NGEF: variants seen among roughly 807,000 people sequenced by gnomAD.
NGEF encodes the protein neuronal guanine nucleotide exchange factor, also known as ephexin-1.
A neutral mutation model predicts 80.9 loss-of-function variants in NGEF; 31 were observed. That is an observed-to-expected ratio of 0.38 (90% CI 0.29 to 0.52). NGEF has a LOEUF of 0.52. Ranked by LOEUF, NGEF falls within the 20% of genes least tolerant of loss-of-function variation. The pLI, the probability that NGEF is intolerant of heterozygous loss-of-function variation, is 0.84. For synonymous variants in NGEF, 371 were observed against 370.2 expected, an observed-to-expected ratio of 1.00 and a Z score of -0.03; for missense variants, 709 against 926.2, an observed-to-expected ratio of 0.77 and a Z score of 3.04.
At chr2:232,883,531 C>T in intron 11 of NGEF, 65 bp from the exon 12 acceptor site, 1 of 1,424,804 alleles carries the variant, frequency 7.0e-7, no homozygotes, top group South Asian at 1.5e-5. Flanking sequence ...CCCAGGAGAG[C>T]CCCACTTGGC....
chr2:232,924,815 C>A (rs148123083), intron 4 of NGEF, among the ~76,000 whole-genome samples: 13 of 152,194 alleles, frequency 8.5e-5, no homozygotes, highest in East Asian at 3.8e-4. Context: ...ATACAAGTAA[C>A]CTTAGAGTCT....
intron 3 of NGEF, among the ~76,000 whole-genome samples, chr2:232,956,108 G>A (rs115237092): frequency 0.012 from 1,828 of 152,220 alleles, 23 homozygotes; most frequent in African/African-American, 0.027. Flanking sequence ...TCCTTTCCTT[G>A]TAAATATGAG....
At chr2:232,974,464 G>A (rs6437079) in intron 2 of NGEF, among the ~76,000 whole-genome samples, 159 bp downstream of exon 2, 89,670 of 152,126 alleles carry the variant, frequency 0.59, 27,628 homozygotes, top group African/African-American at 0.73. Flanking sequence ...AGGAATTTGG[G>A]TTCTTTAGAT....
Position 232,899,292 on chromosome 2 carries a change from T to C in NGEF, c.829-4376A>G, listed in dbSNP as rs540838925. Among the ~76,000 whole-genome samples, 108 of 152,230 alleles carry C rather than the reference T, an allele frequency of 7.1e-4. 1 individual carries two copies. The highest frequency in any genetic ancestry group is 1.7e-3 in the South Asian group (8 of 4,826). On this transcript the variant is annotated intron_variant, in intron 5 of 14. Coordinates refer to ENST00000264051, the MANE Select transcript of NGEF (RefSeq NM_019850.3). ...GAAGCTCCTCCTCAGGGAATGCGCA[T>C]GTAGCCTGGACCCGGCTGTCTGAAT...
intron 5 of NGEF, 51 bp downstream of exon 5, chr2:232,920,233 G>C: frequency 1.3e-6 from 2 of 1,555,750 alleles, no homozygotes; most frequent in South Asian, 1.2e-5. Flanking sequence ...CCAGCAGTGA[G>C]GGCCACCCCG....
intron 3 of NGEF, among the ~76,000 whole-genome samples, chr2:232,944,678 A>C (rs1693513583): frequency 6.7e-6 from 1 of 149,532 alleles, no homozygotes; most frequent in Non-Finnish European, 1.5e-5. Context: ...AGAGAAATTA[A>C]TAGAAATGGT....
chr2:232,920,268 C>T lies in NGEF; in HGVS notation c.828+16G>A. On this transcript the variant is annotated intron_variant, in intron 5 of 14. Transcript: ENST00000264051. ...GGTGTGCTGTGGGGGAGCCCCCGCC[C>T]CTCGGCGCCTGTTACCTCCTGCAGC... 6.2e-7 allele frequency: 1 copy of T among 1,604,368 alleles called. No homozygotes were observed. The highest frequency in any genetic ancestry group is 8.5e-7 in the Non-Finnish European group (1 of 1,175,058).
chr2:232,946,313 G>T (rs985443862), intron 3 of NGEF, among the ~76,000 whole-genome samples: 1 of 152,064 alleles, frequency 6.6e-6, no homozygotes, highest in Non-Finnish European at 1.5e-5. Flanking sequence ...AGGGATAAAA[G>T]ATTACAAATT....
chr2:232,943,985 C>T (rs570617448), intron 3 of NGEF, among the ~76,000 whole-genome samples: 1 of 151,928 alleles, frequency 6.6e-6, no homozygotes, highest in East Asian at 2.0e-4. Flanking sequence ...GTAATCCCAG[C>T]ACTTTGGGAG....
chr2:233,002,714 T>G (rs151196674), intron 1 of NGEF, among the ~76,000 whole-genome samples: 17 of 152,260 alleles, frequency 1.1e-4, no homozygotes, highest in African/African-American at 3.4e-4. Flanking sequence ...TTGATTGACG[T>G]TCAGGAAACA....
At chr2:232,932,745 C>T (rs753045781) in intron 3 of NGEF, among the ~76,000 whole-genome samples, 9 of 151,970 alleles carry the variant, frequency 5.9e-5, no homozygotes, top group African/African-American at 9.7e-5. Flanking sequence ...TGGCTGCGGA[C>T]GGCTGACTCC....
At chr2:232,900,293 G>A (rs1378768951) in intron 5 of NGEF, among the ~76,000 whole-genome samples, 1 of 57,074 alleles carries the variant, frequency 1.8e-5, no homozygotes, top group African/African-American at 6.8e-5. Flanking sequence ...CACGCTCTCA[G>A]TCACTCATAT....
At chr2:232,913,813 G>A (rs914805745) in intron 5 of NGEF, among the ~76,000 whole-genome samples, 1 of 151,980 alleles carries the variant, frequency 6.6e-6, no homozygotes, top group African/African-American at 2.4e-5. Flanking sequence ...CCAGTTACTC[G>A]GGAGGCTGAG....
At chr2:232,896,994 G>A (rs1445178895) in intron 5 of NGEF, among the ~76,000 whole-genome samples, 1 of 132,050 alleles carries the variant, frequency 7.6e-6, no homozygotes, top group Non-Finnish European at 1.6e-5. Context: ...GGTGAGGTAG[G>A]GGTGCGGGTG....
rs546964960 is a variant in NGEF at position 232,915,311 on chromosome 2, T to C, written c.828+4973A>G. Among the ~76,000 whole-genome samples, 43 of 152,336 alleles carry C rather than the reference T, an allele frequency of 2.8e-4. 1 individual carries two copies. Among genetic ancestry groups the C allele is most frequent in the East Asian group, 7.7e-4 (4 of 5,180 alleles). The stretch of plus-strand genomic sequence containing the variant: ...ATCAAGACTTTTGCATAGTATCTTC[T>C]TGGATCTCTGTCCTCTCTGTTCTCC... On this transcript the variant is annotated intron_variant, in intron 5 of 14. Transcript: ENST00000264051.
At chr2:232,880,094 G>T (rs1448789745) in intron 14 of NGEF, among the ~76,000 whole-genome samples, 1 of 152,188 alleles carries the variant, frequency 6.6e-6, no homozygotes, top group African/African-American at 2.4e-5. Flanking sequence ...GCTGGTGGGG[G>T]TGGCAGCCGA....
chr2:232,985,553 C>T (rs368561253), intron 1 of NGEF, among the ~76,000 whole-genome samples: 61 of 150,812 alleles, frequency 4.0e-4, no homozygotes, highest in African/African-American at 1.4e-3. Flanking sequence ...CAGATCGAGA[C>T]CATCCTGGCT....
In NGEF at chr2:232,960,080, T is replaced by G. The variant is rs554051929; in HGVS notation, c.383+10134A>C. 2.6e-5 allele frequency among the ~76,000 whole-genome samples: 4 copies of G among 152,368 alleles called. No homozygotes were observed. The East Asian group carries it at 5.8e-4, about 22-fold the overall frequency. On this transcript the variant is annotated intron_variant, in intron 3 of 14. Coordinates refer to ENST00000264051, the MANE Select transcript of NGEF (RefSeq NM_019850.3). Reference sequence around the variant, plus strand: ...GGAGCGATGCACTTTTGCAATTCCCTCTGGCCATTGCCAGGAACAGAGGAA... The same window carrying G: ...GGAGCGATGCACTTTTGCAATTCCCGCTGGCCATTGCCAGGAACAGAGGAA...
At chr2:232,893,753 C>T (rs1009160162) in intron 6 of NGEF, among the ~76,000 whole-genome samples, 8 of 152,046 alleles carry the variant, frequency 5.3e-5, no homozygotes, top group African/African-American at 1.4e-4. Context: ...ACAGCCTGGG[C>T]AAAAAGAGTG....
Sources: gnomAD v4.1 joint callset for allele counts (sites outside exome capture counted in the v4.1 genomes callset) on GRCh38, gnomAD v4.1.1 for gene constraint, MANE v1.5 for transcripts, NCBI Gene and HGNC (gene_info 2026-07-23, HGNC 2026-07-21) for gene names.